NMNAT3: variants seen among roughly 807,000 people sequenced by gnomAD.
The protein encoded by NMNAT3 is nicotinamide/nicotinic acid mononucleotide adenylyltransferase 3.
Under a neutral mutation model 24.8 loss-of-function variants are expected in NMNAT3, and 21 were observed. The ratio of observed to expected loss-of-function variants is 0.85; its 90% CI spans 0.60 to 1.22. The LOEUF is 1.22. NMNAT3 is among the 50% of genes most tolerant of loss of function. The pLI, the probability that NMNAT3 is intolerant of heterozygous loss-of-function variation, is 0.00. For synonymous variants in NMNAT3, 136 were observed against 155.2 expected, an observed-to-expected ratio of 0.88 and a Z score of 0.92; for missense variants, 387 against 436.6, an observed-to-expected ratio of 0.89 and a Z score of 1.01.
intron 6 of NMNAT3, chr3:139,565,868 G>A (rs985278835): frequency 3.3e-5 from 5 of 152,234 alleles, no homozygotes; most frequent in Admixed American, 2.6e-4. Context: ...AATCCTTTGG[G>A]TATATACCCA....
intron 6 of NMNAT3, chr3:139,568,328 G>T (rs1327398002): frequency 2.6e-5 from 4 of 152,064 alleles, no homozygotes; most frequent in African/African-American, 7.2e-5. Context: ...GGGTGTTTTT[G>T]TGTCTCTATT....
chr3:139,656,063 G>A (rs1354851058), intron 1 of NMNAT3, among the ~76,000 whole-genome samples: 1 of 152,336 alleles, frequency 6.6e-6, no homozygotes, highest in East Asian at 1.9e-4. Flanking sequence ...ATCCAGCCAT[G>A]CTAACTTGCA....
intron 1 of NMNAT3, among the ~76,000 whole-genome samples, chr3:139,642,823 C>T (rs2056751341): frequency 6.6e-6 from 1 of 152,078 alleles, no homozygotes; most frequent in Non-Finnish European, 1.5e-5. Flanking sequence ...TGGCTGCTTC[C>T]CTCCTGTAAT....
chr3:139,625,552 T>G (rs139770424), intron 3 of NMNAT3, among the ~76,000 whole-genome samples: 118 of 152,342 alleles, frequency 7.7e-4, no homozygotes, highest in African/African-American at 2.8e-3. Flanking sequence ...CTTTAAGTGA[T>G]GTTATACCAC....
intron 1 of NMNAT3, among the ~76,000 whole-genome samples, chr3:139,670,953 G>A (rs570092417): frequency 3.3e-4 from 51 of 152,286 alleles, no homozygotes; most frequent in African/African-American, 1.2e-3. Context: ...GGAACCCAGA[G>A]TGTATCTCTG....
At chr3:139,663,798 G>C (rs535275713) in intron 1 of NMNAT3, among the ~76,000 whole-genome samples, 2 of 152,196 alleles carry the variant, frequency 1.3e-5, no homozygotes, top group East Asian at 3.8e-4. Context: ...GCCCGTGAAA[G>C]GGGGAGATGT....
intron 2 of NMNAT3, 88 bp from the exon 4 acceptor site, chr3:139,627,852 C>T (rs796704295): frequency 4.4e-5 from 22 of 500,062 alleles, no homozygotes; most frequent in African/African-American, 3.6e-4. Flanking sequence ...CAGACCATTA[C>T]TTCTCACTTG....
intron 3 of NMNAT3, among the ~76,000 whole-genome samples, chr3:139,612,517 T>C (rs1258788967): frequency 6.6e-6 from 1 of 152,160 alleles, no homozygotes; most frequent in East Asian, 1.9e-4. Context: ...TGCATTCCAG[T>C]ATGCATTTGG....
intron 3 of NMNAT3, among the ~76,000 whole-genome samples, chr3:139,592,248 G>C (rs528860873): frequency 1.1e-3 from 162 of 152,298 alleles, no homozygotes; most frequent in African/African-American, 3.5e-3. Context: ...ATGAAATGAA[G>C]TGAGAAGGGA....
At chr3:139,615,413 C>T (rs2108271197) in intron 3 of NMNAT3, among the ~76,000 whole-genome samples, 1 of 105,460 alleles carries the variant, frequency 9.5e-6, no homozygotes, top group South Asian at 3.2e-4. Flanking sequence ...TATCCACACA[C>T]ATTTTCTATC....
intron 3 of NMNAT3, among the ~76,000 whole-genome samples, chr3:139,614,877 T>C (rs2055413146): frequency 6.6e-6 from 1 of 152,260 alleles, no homozygotes; most frequent in Non-Finnish European, 1.5e-5. Context: ...GATTCATTAG[T>C]GATTCTTGCA....
At chr3:139,677,528 C>G (rs1423491579) in intron 1 of NMNAT3, among the ~76,000 whole-genome samples, 177 bp downstream of exon 1, 2 of 152,230 alleles carry the variant, frequency 1.3e-5, no homozygotes, top group Admixed American at 1.3e-4. Context: ...CGCGCAGAGG[C>G]AGCGCGGAGC....
intron 6 of NMNAT3, chr3:139,569,494 C>T (rs1360094058): frequency 2.6e-5 from 4 of 152,182 alleles, no homozygotes; most frequent in Non-Finnish European, 5.9e-5. Context: ...TTGTTCCTTT[C>T]CATGTTTAGT....
intron 3 of NMNAT3, among the ~76,000 whole-genome samples, chr3:139,597,961 T>G (rs1304360484): frequency 6.6e-6 from 1 of 152,240 alleles, no homozygotes; most frequent in East Asian, 1.9e-4. Context: ...AACTGCTTAT[T>G]CTTGTATGCC....
chr3:139,575,821 A>T, intron 5 of NMNAT3: 3 of 1,202,760 alleles, frequency 2.5e-6, no homozygotes, highest in Non-Finnish European at 3.2e-6. Context: ...TTCAGGAAAG[A>T]TTGGAGGGCA....
chr3:139,622,734 C>CA (rs1386474850), intron 3 of NMNAT3, among the ~76,000 whole-genome samples: 4 of 131,426 alleles, frequency 3.0e-5, no homozygotes, highest in African/African-American at 5.7e-5. Flanking sequence ...GACTCTGTCT[C>CA]AAAAAAAAAG....
At chr3:139,596,922 A>ATATG (rs1559890727) in intron 3 of NMNAT3, among the ~76,000 whole-genome samples, 5 of 19,264 alleles carry the variant, frequency 2.6e-4, no homozygotes, top group Non-Finnish European at 7.4e-4. Context: ...GTGTGTATAT[A>ATATG]TATATATATA....
chr3:139,595,658 A>C (rs1036065365), intron 3 of NMNAT3, among the ~76,000 whole-genome samples: 3 of 152,180 alleles, frequency 2.0e-5, no homozygotes, highest in African/African-American at 4.8e-5. Flanking sequence ...ATAACGCCGC[A>C]TATCTACAAC....
At chr3:139,614,224 C>A (rs7630809) in intron 3 of NMNAT3, among the ~76,000 whole-genome samples, 141,154 of 151,900 alleles carry the variant, frequency 0.93, 66,501 homozygotes, top group East Asian at 1. Context: ...TGTATGTATA[C>A]ATTTATGATA....
Sources: gnomAD v4.1 joint callset for allele counts (sites outside exome capture counted in the v4.1 genomes callset) on GRCh38, gnomAD v4.1.1 for gene constraint, MANE v1.5 for transcripts, NCBI Gene and HGNC (gene_info 2026-07-23, HGNC 2026-07-21) for gene names.